The following QRFPR variants were observed in gnomAD, a reference collection of about 807,000 sequenced individuals.
QRFPR encodes pyroglutamylated RFamide peptide receptor.
A neutral mutation model predicts 31.3 loss-of-function variants in QRFPR; 37 were observed. The observed-to-expected ratio is 1.18, with a 90% CI of 0.91 to 1.56. QRFPR has a LOEUF of 1.56. QRFPR is among the 40% of genes most tolerant of loss of function. The pLI is 0.00. For synonymous variants in QRFPR, 197 were observed against 192.0 expected, an observed-to-expected ratio of 1.03 and a Z score of -0.22; for missense variants, 542 against 532.5, an observed-to-expected ratio of 1.02 and a Z score of -0.18.
In QRFPR at chr4:121,329,196, G is replaced by T; in HGVS notation, c.*118C>A. On this transcript the variant is annotated 3_prime_UTR_variant, in exon 6 of 6. Transcript: ENST00000394427. ...TCGTGTCATTTTTTAATGGAAACAT[G>T]ATTTGTTTTCTTCTTGTCATCATCT... The T allele has an allele frequency of 1.3e-6, 1 of 799,078 alleles. No individual in the cohort carries two copies. The highest frequency in any genetic ancestry group is 1.9e-6 in the Non-Finnish European group (1 of 526,656). The allele number at this position is 799,078 out of a possible 1,614,324, so 49.5% of individuals were successfully genotyped here. A position where few individuals can be genotyped will look rare whatever the true frequency, so the allele number is the denominator to read the frequency against.
At chr4:121,366,576 A>G (rs1726138271) in intron 1 of QRFPR, among the ~76,000 whole-genome samples, 1 of 149,754 alleles carries the variant, frequency 6.7e-6, no homozygotes, top group African/African-American at 2.5e-5. Context: ...GCCCTTGCTG[A>G]GGTCACCAGT....
intron 1 of QRFPR, chr4:121,369,937 A>C (rs1238432799): frequency 2.6e-6 from 2 of 766,908 alleles, no homozygotes. Context: ...GAGTGGTGAC[A>C]CCCTTGTGGG....
rs939513871 is a variant in QRFPR at position 121,380,626 on chromosome 4, G to A, written c.22C>T (p.Pro8Ser). 1.3e-6 allele frequency: 2 copies of A among 1,579,892 alleles called. No homozygotes were observed. The highest frequency in any genetic ancestry group is 1.1e-5 in the South Asian group (1 of 87,274). ...CGCAGCAGCCGAGAGAACTGCTCCG[G>A]GGTAATGTTAAGCGCCTGCATTGCT... Reference protein sequence around the residue: MQALNITPEQFSRLLRDH... With the variant: MQALNITSEQFSRLLRDH... Residue 8 changes from proline to serine, a missense_variant, in exon 1 of 6, where the codon CCG (proline) becomes TCG (serine). Coordinates refer to ENST00000394427, the MANE Select transcript of QRFPR (RefSeq NM_198179.3).
At chr4:121,344,390 C>A (rs1725605259) in intron 1 of QRFPR, among the ~76,000 whole-genome samples, 1 of 152,178 alleles carries the variant, frequency 6.6e-6, no homozygotes, top group Non-Finnish European at 1.5e-5. Context: ...GAATTTCACA[C>A]CAAGCTATAG....
intron 3 of QRFPR, among the ~76,000 whole-genome samples, chr4:121,333,939 T>C (rs1315911571): frequency 1.3e-5 from 2 of 152,184 alleles, no homozygotes; most frequent in Non-Finnish European, 2.9e-5. Flanking sequence ...GTCTTCAATG[T>C]GAATTGAATG....
chr4:121,336,437 A>T (rs1281180208), intron 3 of QRFPR, among the ~76,000 whole-genome samples: 1 of 152,190 alleles, frequency 6.6e-6, no homozygotes, highest in East Asian at 1.9e-4. Context: ...ATTTATTACA[A>T]TTTTTTTTAC....
At chr4:121,333,163 G>C in intron 3 of QRFPR, 107 bp from the exon 4 acceptor site, 1 of 695,688 alleles carries the variant, frequency 1.4e-6, no homozygotes. Flanking sequence ...TTTCAAATTT[G>C]TCCCCAGCAC....
chr4:121,369,019 T>G (rs2110483252), intron 1 of QRFPR, among the ~76,000 whole-genome samples: 1 of 152,182 alleles, frequency 6.6e-6, no homozygotes, highest in Admixed American at 6.5e-5. Context: ...ATTTAACAGG[T>G]TTTTTACTTT....
intron 1 of QRFPR, among the ~76,000 whole-genome samples, chr4:121,343,709 C>T (rs1001590649): frequency 2.6e-5 from 4 of 151,956 alleles, no homozygotes; most frequent in African/African-American, 9.7e-5. Flanking sequence ...TTGAGAAGAA[C>T]CTTGTACTTT....
At chr4:121,360,077 A>G (rs1725959782) in intron 1 of QRFPR, among the ~76,000 whole-genome samples, 1 of 152,154 alleles carries the variant, frequency 6.6e-6, no homozygotes, top group African/African-American at 2.4e-5. Context: ...CCAAAATTAA[A>G]ATTTATTGTG....
At chr4:121,358,886 A>G (rs4259086) in intron 1 of QRFPR, among the ~76,000 whole-genome samples, 39,144 of 152,096 alleles carry the variant, frequency 0.26, 5,717 homozygotes, top group Non-Finnish European at 0.34. Flanking sequence ...CATTAACACC[A>G]TCAACTCATA....
chr4:121,363,240 C>G (rs909515312), intron 1 of QRFPR, among the ~76,000 whole-genome samples: 3 of 150,026 alleles, frequency 2.0e-5, no homozygotes, highest in Admixed American at 2.0e-4. Flanking sequence ...GCAGGAGAAT[C>G]ACTTGAACCT....
At position 121,329,391 on chromosome 4, in the gene QRFPR, T is replaced by A. The variant is rs1725276341; in HGVS notation, c.1219A>T (p.Lys407Ter). 1.9e-6 allele frequency: 3 copies of A among 1,614,020 alleles called. No homozygotes were observed. In the Admixed American group the frequency reaches 5.0e-5, roughly 27 times the overall value. The change falls in exon 6 of 6, where the codon AAG becomes TAG. Residue 407 changes from lysine (K) to a stop codon, truncating the protein, a stop_gained. Coordinates refer to ENST00000394427, the MANE Select transcript of QRFPR (RefSeq NM_198179.3). LOFTEE classifies it low-confidence loss of function (END_TRUNC). ...GCAAGATGTCGTTTGAGCTTTTTCT[T>A]CTCCTCTGTCTGTTCACACAATTTG... is the stretch of plus-strand genomic sequence containing the variant. ...EVKLCEQTEE[K>*]KKLKRHLALF... is the part of the protein sequence containing the mutation.
chr4:121,352,772 A>G (rs1725788489), intron 1 of QRFPR, among the ~76,000 whole-genome samples: 1 of 152,010 alleles, frequency 6.6e-6, no homozygotes, highest in Non-Finnish European at 1.5e-5. Flanking sequence ...ACAATAAATT[A>G]TTGTTAAACA....
rs150410507 is a variant in QRFPR, at chr4:121,372,349, C to A, written c.340+7959G>T. Among the ~76,000 whole-genome samples, 53 of 152,148 alleles carry A rather than the reference C, an allele frequency of 3.5e-4. 1 individual carries two copies. In the East Asian group the frequency reaches 9.1e-3, roughly 26 times the overall value. ...TCCTTCCAGAATTTTCTGCAACTAC[C>A]GGGAAGTATTCTCTCTCATTTCCTG... On this transcript the variant is annotated intron_variant, in intron 1 of 5. Coordinates refer to ENST00000394427, the MANE Select transcript of QRFPR (RefSeq NM_198179.3).
intron 4 of QRFPR, among the ~76,000 whole-genome samples, chr4:121,332,265 C>G (rs2110466388): frequency 6.6e-6 from 1 of 152,170 alleles, no homozygotes; most frequent in Non-Finnish European, 1.5e-5. Flanking sequence ...TTTAAAATTT[C>G]TATTAATGAA....
At chr4:121,363,391 C>A (rs1414446594) in intron 1 of QRFPR, among the ~76,000 whole-genome samples, 1 of 149,908 alleles carries the variant, frequency 6.7e-6, no homozygotes, top group Admixed American at 6.6e-5. Context: ...GTCAATCATG[C>A]TGGCCTAAAG....
intron 1 of QRFPR, among the ~76,000 whole-genome samples, chr4:121,365,521 ATATAT>A (rs1726083246): frequency 2.9e-4 from 2 of 6,854 alleles, no homozygotes; most frequent in Non-Finnish European, 3.8e-4. Context: ...TATATATTAT[ATATAT>A]TATATATAAT....
chr4:121,348,261 A>C (rs1579576516), intron 1 of QRFPR, among the ~76,000 whole-genome samples: 1 of 152,204 alleles, frequency 6.6e-6, no homozygotes, highest in East Asian at 1.9e-4. Context: ...TTGAAGGATT[A>C]ATGAGAAAAC....
Sources: gnomAD v4.1 joint callset for allele counts (sites outside exome capture counted in the v4.1 genomes callset) on GRCh38, gnomAD v4.1.1 for gene constraint, MANE v1.5 for transcripts, NCBI Gene and HGNC (gene_info 2026-07-23, HGNC 2026-07-21) for gene names.